FANCD2: variants seen among roughly 807,000 people sequenced by gnomAD.
The protein encoded by FANCD2 is FA complementation group D2.
Under a neutral mutation model 192.3 loss-of-function variants are expected in FANCD2, and 131 were observed. The observed-to-expected ratio is 0.68, with a 90% confidence interval of 0.59 to 0.79. The LOEUF (loss-of-function observed/expected upper bound fraction) is 0.79, where lower values mean the gene tolerates loss of function less well. FANCD2 is among the 30% of genes least tolerant of loss of function. The pLI, the probability that FANCD2 is intolerant of heterozygous loss-of-function variation, is 0.00. For synonymous variants in FANCD2, 524 were observed against 612.5 expected (o/e 0.86, Z 2.13); for missense variants, 1,508 against 1,701.6 (o/e 0.89, Z 2.00).
chr3:10,077,844 A>G (rs1446439508), intron 29 of FANCD2, among the ~76,000 whole-genome samples: 3 of 152,030 alleles, frequency 2.0e-5, no homozygotes, highest in African/African-American at 7.3e-5. Context: ...AGCTTGGGCA[A>G]TATAGTGAGA....
In FANCD2 at chr3:10,081,409, A is replaced by G. The variant is rs570454054; in HGVS notation, c.3169A>G (p.Ile1057Val). Reference sequence around the variant, plus strand: ...AGGAGTGAAAGTTCAGGAGTACCACATAATGTCTTCCTGCTATCAGAGGCT... The same window carrying G: ...AGGAGTGAAAGTTCAGGAGTACCACGTAATGTCTTCCTGCTATCAGAGGCT... ...GPGVKVQEYH[I>V]MSSCYQRLLQ... The change falls in exon 32 of 44, where the codon ATA (isoleucine) becomes GTA (valine). Residue 1057 changes from isoleucine (I) to valine (V), a missense_variant. By Grantham distance (29) the Ile-to-Val change is conservative. This residue lies in a region of FANCD2 where 796 missense variants were observed against 879.4 expected (regional missense o/e 0.91). Transcript: ENST00000675286. 2 of 1,614,170 alleles carry G rather than the reference A, an allele frequency of 1.2e-6. No homozygotes were observed. Among genetic ancestry groups the G allele is most frequent in the Admixed American group, 1.7e-5 (1 of 60,016 alleles).
At chr3:10,096,567 C>G in intron 42 of FANCD2, 95 bp downstream of exon 42, 1 of 1,118,640 alleles carries the variant, frequency 8.9e-7, no homozygotes, top group South Asian at 1.3e-5. Flanking sequence ...GCCCTCGTCT[C>G]TCAGTAAGGC....
chr3:10,086,984 G>C (rs1447453073), intron 33 of FANCD2, 150 bp from the exon 34 acceptor site: 1 of 835,626 alleles, frequency 1.2e-6, no homozygotes, highest in Non-Finnish European at 2.0e-6. Context: ...GATGCTTGAA[G>C]AGGGTTGCTA....
intron 29 of FANCD2, 55 bp from the exon 30 acceptor site, chr3:10,078,026 T>A: frequency 1.6e-6 from 2 of 1,250,920 alleles, no homozygotes; most frequent in South Asian, 2.4e-5. Context: ...AGAAAAAAAA[T>A]TATCATGAAA....
intron 38 of FANCD2, among the ~76,000 whole-genome samples, chr3:10,092,505 A>G (rs1278994193): frequency 1.4e-5 from 2 of 146,378 alleles, no homozygotes; most frequent in Non-Finnish European, 3.0e-5. Context: ...TCCATCTGTA[A>G]TTCCCTCACT....
At chr3:10,097,700 C>A (rs1409256173) in intron 42 of FANCD2, among the ~76,000 whole-genome samples, 3 of 152,176 alleles carry the variant, frequency 2.0e-5, no homozygotes. Flanking sequence ...TATATACCTC[C>A]TTCTCGGCTG....
intron 29 of FANCD2, among the ~76,000 whole-genome samples, chr3:10,075,787 G>A (rs1293953596): frequency 6.9e-6 from 1 of 144,832 alleles, no homozygotes; most frequent in South Asian, 2.2e-4. Context: ...CTGGAGTGCG[G>A]TGGTGGGATC....
At chr3:10,099,470 A>G (rs1461579647) in intron 43 of FANCD2, 1 of 399,054 alleles carries the variant, frequency 2.5e-6, no homozygotes, top group Non-Finnish European at 3.6e-6. Context: ...AAAAAAAATG[A>G]AAAATAAACC....
In FANCD2 at chr3:10,035,241, T is replaced by G. The variant is rs762114353; in HGVS notation, c.438+8T>G. ...GGGATTGACATACTGCAGGTAAGAC[T>G]GTCACTTTTTCTGTGAACATTTGAT... On this transcript the variant is annotated splice_region_variant and intron_variant, in intron 6 of 43. Transcript: ENST00000675286. The G allele has an allele frequency of 2.5e-6, 4 of 1,611,626 alleles. No individual in the cohort carries two copies. Among genetic ancestry groups the G allele is most frequent in the Admixed American group, 3.3e-5 (2 of 60,012 alleles).
At chr3:10,036,872 G>T (rs951063594) in intron 7 of FANCD2, among the ~76,000 whole-genome samples, 1 of 152,048 alleles carries the variant, frequency 6.6e-6, no homozygotes, top group Non-Finnish European at 1.5e-5. Flanking sequence ...GTCTCACTCT[G>T]TTGCCCAGGC....
chr3:10,077,971 C>A, intron 29 of FANCD2, 110 bp from the exon 30 acceptor site: 1 of 809,136 alleles, frequency 1.2e-6, no homozygotes, highest in Non-Finnish European at 2.2e-6. Context: ...GAGTTCAAGG[C>A]TGGAATAGCT....
chr3:10,101,710 A>T lies in FANCD2; in HGVS notation c.*448A>T. 1 of 267,280 alleles carries T rather than the reference A, an allele frequency of 3.7e-6. No individual in the cohort carries two copies. The allele number at this position is 267,280 out of a possible 1,614,324, so 16.6% of individuals were successfully genotyped here. On this transcript the variant is annotated 3_prime_UTR_variant, in exon 44 of 44. Transcript: ENST00000675286. ...ATTTTGTTCTTAAAGTGGGGTCTTT[A>T]TTAACTTGTGGACATCATGGATTGT...
At chr3:10,048,822 G>A (rs1470441353) in intron 16 of FANCD2, among the ~76,000 whole-genome samples, 7 of 152,274 alleles carry the variant, frequency 4.6e-5, no homozygotes, top group Non-Finnish European at 8.8e-5. Flanking sequence ...GCTGACATGA[G>A]GTAGCTGTTG....
chr3:10,085,813 A>G lies in FANCD2; in HGVS notation c.3226A>G (p.Ser1076Gly), dbSNP rs1371349116. The G allele has an allele frequency of 3.1e-6, 5 of 1,606,132 alleles. No individual in the cohort carries two copies. In the African/African-American group the frequency reaches 5.4e-5, roughly 17 times the overall value. ...CCCCTCTTACCTTGACTTCCTTAGG[A>G]GTGGATTTTCTCAACCTGAAAATCA... ...LQIFHGLFAW[S>G]GFSQPENQNL... is the part of the protein sequence containing the mutation. The change falls in exon 33 of 44, where the codon AGT becomes GGT. Residue 1076 changes from serine to glycine, a missense_variant and splice_region_variant. By Grantham distance (56) the Ser-to-Gly change is moderately conservative. This residue lies in a region of FANCD2 where 796 missense variants were observed against 879.4 expected (regional missense o/e 0.91). Coordinates refer to ENST00000675286, the MANE Select transcript of FANCD2 (RefSeq NM_001018115.3).
intron 2 of FANCD2, among the ~76,000 whole-genome samples, chr3:10,030,454 G>A (rs1384006798): frequency 6.6e-6 from 1 of 152,060 alleles, no homozygotes; most frequent in African/African-American, 2.4e-5. Flanking sequence ...ACTGACTTGT[G>A]GATTGAAGAG....
rs752741393 is a variant in FANCD2 at position 10,039,823 on chromosome 3, G to A, written c.673G>A (p.Ala225Thr). Reference sequence around the variant, plus strand: ...TGAGATCCTAGGGGATTCCCAGCACGCTGATGTGGGGAAAGAACTCAGGTG... The same window carrying A: ...TGAGATCCTAGGGGATTCCCAGCACACTGATGTGGGGAAAGAACTCAGGTG... ...LPEILGDSQH[A>T]DVGKELSDLL... Residue 225 changes from alanine to threonine, a missense_variant, in exon 9 of 44, where the codon GCT becomes ACT. By Grantham distance (58) the Ala-to-Thr change is moderately conservative. This residue lies in a region of FANCD2 where 435 missense variants were observed against 421.9 expected (regional missense o/e 1.03). Transcript: ENST00000675286. 13 of 1,613,884 alleles carry A rather than the reference G, an allele frequency of 8.1e-6. No individual in the cohort carries two copies. Among genetic ancestry groups the A allele is most frequent in the African/African-American group, 5.3e-5 (4 of 74,956 alleles).
At chr3:10,070,071 ACCGCCCC>A (rs1693111444) in intron 26 of FANCD2, among the ~76,000 whole-genome samples, 1 of 116,700 alleles carries the variant, frequency 8.6e-6, no homozygotes, top group African/African-American at 3.4e-5. Flanking sequence ...CCTCTGCCCC[ACCGCCCC>A]GTCTGGGATG....
intron 26 of FANCD2, among the ~76,000 whole-genome samples, chr3:10,071,366 G>A (rs4019707): frequency 0.19 from 29,631 of 152,024 alleles, 3,320 homozygotes; most frequent in African/African-American, 0.31. Context: ...AAGGAAATCA[G>A]TATACCAAGG....
intron 43 of FANCD2, chr3:10,099,390 A>G (rs951645292): frequency 1.0e-5 from 11 of 1,079,920 alleles, no homozygotes; most frequent in South Asian, 2.7e-5. Flanking sequence ...TTTGAGGCCA[A>G]GGTAGGAGGA....
Sources: allele counts gnomAD v4.1 joint callset (sites outside exome capture counted in the v4.1 genomes callset), GRCh38; gene constraint gnomAD v4.1.1; regional missense constraint gnomAD v4.1.1; transcripts MANE v1.5; gene names NCBI Gene and HGNC (gene_info 2026-07-23, HGNC 2026-07-21).